Variants in LRP2 observed in about 807,000 individuals in gnomAD.
The protein encoded by LRP2 is LDL receptor related protein 2.
A neutral mutation model predicts 531.0 loss-of-function variants in LRP2; 172 were observed. That is an observed-to-expected ratio of 0.32 (90% confidence interval 0.29 to 0.37). LRP2 has a LOEUF of 0.37. LRP2 is among the 10% of genes least tolerant of loss of function. The pLI, the probability that LRP2 is intolerant of heterozygous loss-of-function variation, is 1.00. For missense variants in LRP2, 5,167 were observed against 5,868.3 expected (o/e 0.88, Z 3.90); for synonymous variants, 1,992 against 2,027.6 (o/e 0.98, Z 0.47).
At position 169,197,058 on chromosome 2, in the gene LRP2, A is replaced by T. The variant is rs756029037; in HGVS notation, c.8579-28T>A. On this transcript the variant is annotated intron_variant, in intron 45 of 78. Coordinates refer to ENST00000649046, the MANE Select transcript of LRP2 (RefSeq NM_004525.3). ...GCAGGAGGGAAAGAAGATAAAACCC[A>T]TGAGCAAAACACAAGCATGTTCCCA... is the stretch of plus-strand genomic sequence containing the variant. 5.6e-6 allele frequency: 9 copies of T among 1,612,346 alleles called. No individual in the cohort carries two copies. In the South Asian group the frequency reaches 9.9e-5, roughly 18 times the overall value.
At chr2:169,320,945 A>G in intron 1 of LRP2, 61 bp from the exon 2 acceptor site, 2 of 1,214,366 alleles carry the variant, frequency 1.6e-6, no homozygotes, top group Non-Finnish European at 2.4e-6. Context: ...CCGAAGAAAT[A>G]TAAATTTTTG....
rs537044861 is a variant in LRP2 at position 169,294,093 on chromosome 2, G to A, written c.652+55C>T. 399 of 1,304,112 alleles carry A rather than the reference G, an allele frequency of 3.1e-4. 1 individual carries two copies. The highest frequency in any genetic ancestry group is 1.4e-3 in the South Asian group (119 of 84,792). The allele number at this position is 1,304,112 out of a possible 1,614,324, so 80.8% of individuals were successfully genotyped here. On this transcript the variant is annotated intron_variant, in intron 6 of 78. Coordinates refer to ENST00000649046, the MANE Select transcript of LRP2 (RefSeq NM_004525.3). ...CGGGGGGATAAAACAAAACAAAACC[G>A]AAACAAAACAAAACACTCCCAACAA...
intron 66 of LRP2, among the ~76,000 whole-genome samples, chr2:169,153,876 A>G (rs1378016554): frequency 2.0e-5 from 3 of 152,198 alleles, no homozygotes; most frequent in Non-Finnish European, 4.4e-5. Context: ...AAATTTTTTG[A>G]TCACCTACCA....
intron 13 of LRP2, among the ~76,000 whole-genome samples, chr2:169,277,389 G>T (rs957348333): frequency 1.3e-4 from 20 of 152,054 alleles, no homozygotes; most frequent in African/African-American, 4.6e-4. Flanking sequence ...TTGGGGGAAG[G>T]TTAGAAAATT....
chr2:169,241,410 T>C (rs747212827), intron 24 of LRP2, 45 bp from the exon 25 acceptor site: 9 of 1,609,036 alleles, frequency 5.6e-6, no homozygotes, highest in African/African-American at 2.7e-5. Context: ...ATGTAATTTG[T>C]GATCCCTTTT....
chr2:169,129,116 A>T, intron 77 of LRP2, 32 bp from the exon 78 acceptor site: 3 of 1,409,760 alleles, frequency 2.1e-6, no homozygotes, highest in Non-Finnish European at 3.0e-6. Flanking sequence ...AAAACCTCTC[A>T]GTAATGGAAT....
chr2:169,298,476 C>T (rs1684189070), intron 4 of LRP2, among the ~76,000 whole-genome samples: 1 of 151,986 alleles, frequency 6.6e-6, no homozygotes, highest in Admixed American at 6.6e-5. Flanking sequence ...ACCACTACCA[C>T]AGATACATCT....
chr2:169,172,145 GT>G lies in LRP2; in HGVS notation c.11144-12del, dbSNP rs1687029961. 1 of 1,614,106 alleles carries G rather than the reference GT, an allele frequency of 6.2e-7. No individual in the cohort carries two copies. The highest frequency in any genetic ancestry group is 8.5e-7 in the Non-Finnish European group (1 of 1,179,966). On this transcript the variant is annotated splice_polypyrimidine_tract_variant and intron_variant, in intron 57 of 78. Transcript: ENST00000649046. Reference sequence around the variant, plus strand: ...GGCATGTCCTCTCCTCTGCAAAGCAGTCATTGCAAAGACTTCATAAACCATT... The same window carrying G: ...GGCATGTCCTCTCCTCTGCAAAGCAGCATTGCAAAGACTTCATAAACCATT...
rs759579869 is a variant in LRP2 at position 169,320,777 on chromosome 2, C to T, written c.187G>A (p.Ala63Thr). Residue 63 changes from alanine (A) to threonine (T), a missense_variant and splice_region_variant, in exon 2 of 79, where the codon GCT becomes ACT. Physicochemically the swap from Ala to Thr is moderately conservative, Grantham distance 58 (BLOSUM62 0). This residue lies in a region of LRP2 where 2,811 missense variants were observed against 3,058.0 expected (regional missense o/e 0.92). Transcript: ENST00000649046. ...CTTAGCCTGGCCCCTCCTCACTTAC[C>T]GCAGCCAATTTCATCCGCGTCATCT... Reference protein sequence around the residue: ...CSDDADEIGCAVVTCQQGYFK... With the variant: ...CSDDADEIGCTVVTCQQGYFK... 2.0e-5 allele frequency: 33 copies of T among 1,613,332 alleles called. 1 individual carries two copies. Among genetic ancestry groups the T allele is most frequent in the Middle Eastern group, 3.3e-4 (2 of 6,084 alleles).
At chr2:169,193,637 C>CAAACAAA in intron 47 of LRP2, 124 bp downstream of exon 47, 1 of 1,196,360 alleles carries the variant, frequency 8.4e-7, no homozygotes, top group Non-Finnish European at 1.2e-6. Flanking sequence ...ACAAAGGTAA[C>CAAACAAA]ATTCTATCAG....
chr2:169,130,584 C>T (rs1213236821), intron 77 of LRP2, among the ~76,000 whole-genome samples: 2 of 152,206 alleles, frequency 1.3e-5, no homozygotes, highest in African/African-American at 4.8e-5. Context: ...CCGTGCCCAG[C>T]CCATGTTTTT....
chr2:169,163,672 G>A (rs1421751955), intron 62 of LRP2, among the ~76,000 whole-genome samples: 1 of 151,122 alleles, frequency 6.6e-6, no homozygotes, highest in African/African-American at 2.4e-5. Flanking sequence ...CTGAGAGAAA[G>A]ATATAACCAA....
At chr2:169,257,839 AC>A (rs1436058975) in intron 17 of LRP2, among the ~76,000 whole-genome samples, 283 of 142,764 alleles carry the variant, frequency 2.0e-3, no homozygotes, top group African/African-American at 6.5e-3. Flanking sequence ...AAAAAAAAAC[AC>A]AAAAAAAACA....
intron 30 of LRP2, 76 bp from the exon 31 acceptor site, chr2:169,231,918 G>A: frequency 6.4e-7 from 1 of 1,567,488 alleles, no homozygotes; most frequent in South Asian, 1.1e-5. Context: ...CATGCTCTTA[G>A]TGTCCTTCCA....
At chr2:169,144,825 G>C (rs542015388) in intron 70 of LRP2, among the ~76,000 whole-genome samples, 2 of 152,210 alleles carry the variant, frequency 1.3e-5, no homozygotes, top group Admixed American at 6.5e-5. Context: ...CTCACATATG[G>C]GGACAGGAAG....
At chr2:169,164,193 T>C (rs1388691523) in intron 62 of LRP2, among the ~76,000 whole-genome samples, 5 of 152,206 alleles carry the variant, frequency 3.3e-5, no homozygotes, top group African/African-American at 4.8e-5. Flanking sequence ...GGAGTGTTTA[T>C]TTCTATTGTG....
In LRP2 at chr2:169,359,629, C is replaced by T. The variant is rs188278039; in HGVS notation, c.79+2692G>A. On this transcript the variant is annotated intron_variant, in intron 1 of 78. Transcript: ENST00000649046. The stretch of plus-strand genomic sequence containing the variant: ...AGGCAGAGGACATTCAGAGGAAATG[C>T]GTCTTAAAATGATCAAGTAGGAAGA... Among the ~76,000 whole-genome samples, 211 of 152,160 alleles carry T rather than the reference C, an allele frequency of 1.4e-3. 2 individuals carry two copies. Among genetic ancestry groups the T allele is most frequent in the African/African-American group, 4.7e-3 (195 of 41,496 alleles).
At chr2:169,288,911 G>T in intron 9 of LRP2, 115 bp downstream of exon 9, 2 of 1,526,356 alleles carry the variant, frequency 1.3e-6, no homozygotes, top group Non-Finnish European at 1.8e-6. Context: ...GTTGCTCTTT[G>T]TTATGACAGA....
Position 169,290,967 on chromosome 2 carries a change from G to C in LRP2, c.800C>G (p.Ser267Cys). 1 of 1,614,124 alleles carries C rather than the reference G, an allele frequency of 6.2e-7. No homozygotes were observed. Among genetic ancestry groups the C allele is most frequent in the Non-Finnish European group, 8.5e-7 (1 of 1,180,014 alleles). Residue 267 changes from serine (S) to cysteine (C), a missense_variant, in exon 8 of 79, where the codon TCC (serine) becomes TGC (cysteine). Around this residue, in one of 6 missense-constraint regions of LRP2, gnomAD observed 2,811 missense variants for 3,058.0 expected, o/e 0.92. Transcript: ENST00000649046. ...CTCTGGGCAAGACCATTCTCTTGGG[G>C]AACATTTATGAACATCATGAGGACC... ...ESGPHDVHKCSPREWSCPESG... is the reference protein window; with the variant it reads ...ESGPHDVHKCCPREWSCPESG...
Sources: allele counts gnomAD v4.1 joint callset (sites outside exome capture counted in the v4.1 genomes callset), GRCh38; gene constraint gnomAD v4.1.1; regional missense constraint gnomAD v4.1.1; transcripts MANE v1.5; gene names NCBI Gene and HGNC (gene_info 2026-07-23, HGNC 2026-07-21).